The following YPEL2 variants were observed in gnomAD, a reference collection of about 807,000 sequenced individuals.
YPEL2 encodes yippee like 2.
YPEL2 carries 2 observed loss-of-function variants against 19.1 expected under a neutral mutation model. The ratio of observed to expected loss-of-function variants is 0.10; its 90% CI spans 0.04 to 0.33. YPEL2 has a LOEUF of 0.33. Ranked by LOEUF, YPEL2 falls within the 10% of genes least tolerant of loss-of-function variation. The pLI, the probability that YPEL2 is intolerant of heterozygous loss-of-function variation, is 1.00. For missense variants in YPEL2, 66 were observed against 140.7 expected (o/e 0.47, Z 2.68); for synonymous variants, 52 against 50.0 (o/e 1.04, Z -0.17).
chr17:59,371,941 T>C (rs2047899287), intron 2 of YPEL2, among the ~76,000 whole-genome samples: 1 of 152,240 alleles, frequency 6.6e-6, no homozygotes, highest in Non-Finnish European at 1.5e-5. Context: ...CTCTTGGACC[T>C]GAATTCCCAC....
intron 2 of YPEL2, among the ~76,000 whole-genome samples, chr17:59,367,298 A>G (rs1261079663): frequency 6.6e-6 from 1 of 152,224 alleles, no homozygotes; most frequent in South Asian, 2.1e-4. Flanking sequence ...TTCAAAAGCC[A>G]GTTGGTTCAC....
At chr17:59,361,896 A>T (rs2047842824) in intron 2 of YPEL2, among the ~76,000 whole-genome samples, 1 of 152,214 alleles carries the variant, frequency 6.6e-6, no homozygotes, top group Non-Finnish European at 1.5e-5. Context: ...AGGAGCTGGT[A>T]AAAGGAGCAT....
chr17:59,335,680 C>T (rs1192128845), intron 1 of YPEL2, among the ~76,000 whole-genome samples: 1 of 152,130 alleles, frequency 6.6e-6, no homozygotes, highest in African/African-American at 2.4e-5. Flanking sequence ...TCCCAAGTAG[C>T]TGGGATTACA....
intron 1 of YPEL2, among the ~76,000 whole-genome samples, chr17:59,333,963 C>A (rs551500255): frequency 1.6e-4 from 25 of 152,308 alleles, no homozygotes; most frequent in African/African-American, 6.0e-4. Context: ...TGACCCCATA[C>A]TCTGCAATCC....
intron 3 of YPEL2, chr17:59,389,035 G>A (rs2047995020): frequency 1.1e-5 from 4 of 359,304 alleles, no homozygotes; most frequent in Admixed American, 3.7e-5. Context: ...GCCCATGGCT[G>A]TGGACTTCAC....
chr17:59,347,314 T>G (rs1232043973), intron 1 of YPEL2, among the ~76,000 whole-genome samples: 1 of 152,142 alleles, frequency 6.6e-6, no homozygotes, highest in Non-Finnish European at 1.5e-5. Context: ...TTTTTTCTTT[T>G]TAGGGTTTCA....
intron 2 of YPEL2, among the ~76,000 whole-genome samples, chr17:59,362,466 C>A (rs548071328): frequency 2.0e-5 from 3 of 152,066 alleles, no homozygotes; most frequent in Non-Finnish European, 4.4e-5. Flanking sequence ...TCTGGTGAAT[C>A]ATCTTTATGT....
Position 59,335,907 on chromosome 17 carries a change from C to T in YPEL2, c.-196+4083C>T, listed in dbSNP as rs149422525. ...CTTGGTTCTCAGAGCTACTTCCTGACGGACCAGTTATCTAGAACAGCTCCT... is the reference window on the plus strand; with the variant it reads ...CTTGGTTCTCAGAGCTACTTCCTGATGGACCAGTTATCTAGAACAGCTCCT... On this transcript the variant is annotated intron_variant, in intron 1 of 4. Transcript: ENST00000312655. 7.1e-4 allele frequency among the ~76,000 whole-genome samples: 108 copies of T among 152,270 alleles called. 1 individual carries two copies. In the South Asian group the frequency reaches 7.7e-3, roughly 11 times the overall value.
chr17:59,348,999 C>A (rs1307871532), intron 1 of YPEL2, among the ~76,000 whole-genome samples: 1 of 151,862 alleles, frequency 6.6e-6, no homozygotes, highest in Non-Finnish European at 1.5e-5. Flanking sequence ...ACGGTGAAAC[C>A]CCGTCTCTAC....
chr17:59,349,894 C>T (rs1279988748), intron 1 of YPEL2, among the ~76,000 whole-genome samples: 5 of 151,896 alleles, frequency 3.3e-5, no homozygotes, highest in African/African-American at 9.7e-5. Context: ...CTCTTGACCT[C>T]GTGATCCGCC....
At chr17:59,367,063 G>A (rs1334810763) in intron 2 of YPEL2, among the ~76,000 whole-genome samples, 2 of 152,242 alleles carry the variant, frequency 1.3e-5, no homozygotes, top group African/African-American at 2.4e-5. Flanking sequence ...AGGTACCTGT[G>A]TGACTGGCCA....
chr17:59,357,719 T>A (rs1164527634), intron 2 of YPEL2, among the ~76,000 whole-genome samples: 1 of 152,198 alleles, frequency 6.6e-6, no homozygotes, highest in Non-Finnish European at 1.5e-5. Flanking sequence ...ACAAAGCTTT[T>A]GTATGAAAAT....
At chr17:59,362,623 C>T (rs562549458) in intron 2 of YPEL2, 1 of 152,254 alleles carries the variant, frequency 6.6e-6, no homozygotes, top group South Asian at 2.1e-4. Context: ...CTGTGGTTTG[C>T]AGATGCCTTT....
At chr17:59,349,974 G>A (rs1044944062) in intron 1 of YPEL2, among the ~76,000 whole-genome samples, 1 of 152,134 alleles carries the variant, frequency 6.6e-6, no homozygotes, top group African/African-American at 2.4e-5. Flanking sequence ...GGCCTTTCTT[G>A]ATCCTGCTTC....
At chr17:59,337,228 C>T (rs2047703698) in intron 1 of YPEL2, among the ~76,000 whole-genome samples, 1 of 144,570 alleles carries the variant, frequency 6.9e-6, no homozygotes, top group Non-Finnish European at 1.5e-5. Context: ...CGCTCTGTGG[C>T]CCAGGCGGGA....
At chr17:59,347,563 A>G (rs2047762774) in intron 1 of YPEL2, among the ~76,000 whole-genome samples, 1 of 152,168 alleles carries the variant, frequency 6.6e-6, no homozygotes, top group Non-Finnish European at 1.5e-5. Flanking sequence ...AGAGGCCCAA[A>G]GGCCTGCCAG....
chr17:59,373,138 A>G (rs2047904789), intron 2 of YPEL2, among the ~76,000 whole-genome samples: 1 of 152,190 alleles, frequency 6.6e-6, no homozygotes, highest in African/African-American at 2.4e-5. Flanking sequence ...AAGTGCTGGG[A>G]TTACAGGCGT....
intron 2 of YPEL2, among the ~76,000 whole-genome samples, chr17:59,373,019 G>A (rs1337751778): frequency 1.3e-5 from 2 of 152,136 alleles, no homozygotes; most frequent in African/African-American, 2.4e-5. Flanking sequence ...GATTACAGGC[G>A]TGTGCCACCA....
chr17:59,357,835 A>G (rs2047820548), intron 2 of YPEL2, among the ~76,000 whole-genome samples: 2 of 152,138 alleles, frequency 1.3e-5, no homozygotes, highest in Admixed American at 1.3e-4. Flanking sequence ...TCACAGACCC[A>G]CTTCGGGGCC....
Sources: gnomAD v4.1 joint callset for allele counts (sites outside exome capture counted in the v4.1 genomes callset) on GRCh38, gnomAD v4.1.1 for gene constraint, MANE v1.5 for transcripts, NCBI Gene and HGNC (gene_info 2026-07-23, HGNC 2026-07-21) for gene names.